TMOD3: variants seen among roughly 807,000 people sequenced by gnomAD.
TMOD3 encodes tropomodulin-3.
In TMOD3, 20 loss-of-function variants were observed where a neutral mutation model predicts 39.2. The ratio of observed to expected loss-of-function variants is 0.51; its 90% confidence interval spans 0.36 to 0.74. TMOD3 has a LOEUF of 0.74. TMOD3 is among the 30% of genes least tolerant of loss of function. The pLI is 0.00. For synonymous variants in TMOD3, 143 were observed against 145.8 expected (o/e 0.98, Z 0.14); for missense variants, 381 against 412.8 (o/e 0.92, Z 0.67).
chr15:51,866,935 A>G (rs1180455524), intron 2 of TMOD3, among the ~76,000 whole-genome samples: 1 of 152,204 alleles, frequency 6.6e-6, no homozygotes, highest in Admixed American at 6.5e-5. Flanking sequence ...AGAGCTTGTG[A>G]TGAGAGGTTA....
intron 3 of TMOD3, among the ~76,000 whole-genome samples, chr15:51,876,050 T>TA (rs1230533995): frequency 3.9e-5 from 6 of 152,344 alleles, no homozygotes; most frequent in Admixed American, 2.0e-4. Context: ...TCTGGTAATA[T>TA]TCTTTGCTAT....
chr15:51,896,292 T>G, intron 6 of TMOD3, 127 bp from the exon 7 acceptor site: 2 of 625,014 alleles, frequency 3.2e-6, no homozygotes, highest in Non-Finnish European at 5.5e-6. Context: ...ATTTGTAGAC[T>G]AATTCTTAGG....
intron 1 of TMOD3, among the ~76,000 whole-genome samples, chr15:51,832,429 C>T (rs1434425323): frequency 6.6e-6 from 1 of 151,630 alleles, no homozygotes; most frequent in Non-Finnish European, 1.5e-5. Flanking sequence ...CATCTCTTTC[C>T]CCAGGCTATA....
chr15:51,902,642 G>GTTTTTTTTTTTT (rs1286780618), intron 9 of TMOD3, among the ~76,000 whole-genome samples: 1 of 63,354 alleles, frequency 1.6e-5, no homozygotes, highest in Non-Finnish European at 2.9e-5. Flanking sequence ...GCTAATTTTT[G>GTTTTTTTTTTTT]TATTTTTTTT....
At chr15:51,889,884 G>A (rs1243415314) in intron 5 of TMOD3, among the ~76,000 whole-genome samples, 1 of 152,000 alleles carries the variant, frequency 6.6e-6, no homozygotes, top group Non-Finnish European at 1.5e-5. Context: ...TTCATGTATA[G>A]GGTGTTCTTA....
At chr15:51,878,079 G>A (rs2056514030) in intron 3 of TMOD3, among the ~76,000 whole-genome samples, 1 of 152,242 alleles carries the variant, frequency 6.6e-6, no homozygotes, top group African/African-American at 2.4e-5. Context: ...TGTGTCTGCA[G>A]CTCAGCATTC....
intron 3 of TMOD3, among the ~76,000 whole-genome samples, chr15:51,872,674 A>T (rs1948807667): frequency 6.9e-6 from 1 of 145,208 alleles, no homozygotes; most frequent in Non-Finnish European, 1.5e-5. Flanking sequence ...ATGCAGTGGC[A>T]CTGCAACCTG....
chr15:51,832,459 G>A (rs747120843), intron 1 of TMOD3, among the ~76,000 whole-genome samples: 2 of 151,808 alleles, frequency 1.3e-5, no homozygotes, highest in Non-Finnish European at 2.9e-5. Flanking sequence ...CTGTTTGAAT[G>A]TATGTGACAT....
chr15:51,877,290 A>G (rs372219336), intron 3 of TMOD3, among the ~76,000 whole-genome samples: 11 of 152,208 alleles, frequency 7.2e-5, no homozygotes, highest in African/African-American at 2.4e-4. Context: ...CCAGTGCTGG[A>G]TGTATTGATA....
intron 3 of TMOD3, chr15:51,884,478 C>G (rs565502674): frequency 1.3e-5 from 2 of 152,312 alleles, no homozygotes; most frequent in African/African-American, 2.4e-5. Flanking sequence ...GCTTGCTTTC[C>G]TAGCCACCCT....
At chr15:51,831,167 A>G (rs2056253061) in intron 1 of TMOD3, among the ~76,000 whole-genome samples, 1 of 152,226 alleles carries the variant, frequency 6.6e-6, no homozygotes, top group Admixed American at 6.5e-5. Flanking sequence ...GAAAGAGCAA[A>G]CATGAGTTCT....
chr15:51,859,455 A>G (rs17649391), intron 1 of TMOD3: 12,285 of 659,558 alleles, frequency 0.019, 552 homozygotes, highest in Admixed American at 0.11. Context: ...GAAAAAGTCA[A>G]CTGAAAATGG....
chr15:51,860,489 A>G (rs1310642537), intron 1 of TMOD3: 1 of 571,650 alleles, frequency 1.7e-6, no homozygotes, highest in Non-Finnish European at 3.5e-6. Flanking sequence ...GCAGTGCCCA[A>G]AGAAATAGTT....
intron 7 of TMOD3, among the ~76,000 whole-genome samples, chr15:51,897,378 C>T (rs1454329696): frequency 6.6e-6 from 1 of 151,800 alleles, no homozygotes; most frequent in Admixed American, 6.6e-5. Flanking sequence ...ACATGTAAGT[C>T]CTCAAACTCC....
At chr15:51,877,071 T>A (rs563082047) in intron 3 of TMOD3, among the ~76,000 whole-genome samples, 124 of 152,128 alleles carry the variant, frequency 8.2e-4, no homozygotes, top group Non-Finnish European at 1.5e-3. Context: ...TCAAAAAAAA[T>A]AAAGAAAAAG....
rs1356255202 is a variant in TMOD3, at chr15:51,829,687, AG to A, written c.-223del. 1.3e-5 allele frequency: 2 copies of A among 152,292 alleles called. No homozygotes were observed. Among genetic ancestry groups the A allele is most frequent in the Non-Finnish European group, 2.9e-5 (2 of 68,100 alleles). 9.4% of individuals were successfully genotyped at this position (152,292 alleles called of 1,614,324 possible). A position where few individuals can be genotyped will look rare whatever the true frequency, so the allele number is the denominator to read the frequency against. On this transcript the variant is annotated 5_prime_UTR_variant, in exon 1 of 10. The change creates a new upstream start codon in the 5' untranslated region. Coordinates refer to ENST00000308580, the MANE Select transcript of TMOD3 (RefSeq NM_014547.5). ...ACCCACCGCACCTACAGGGCGGTCG[AG>A]TGAGGGAGCTGCTGGCGGGTGGGTC...
At chr15:51,832,722 G>T (rs1424049492) in intron 1 of TMOD3, among the ~76,000 whole-genome samples, 2 of 152,130 alleles carry the variant, frequency 1.3e-5, no homozygotes, top group African/African-American at 4.8e-5. Context: ...CAGGGAGGAT[G>T]AGAGGCTTTG....
At chr15:51,884,562 T>C (rs559613152) in intron 3 of TMOD3, 1 of 152,278 alleles carries the variant, frequency 6.6e-6, no homozygotes, top group African/African-American at 2.4e-5. Flanking sequence ...TTGAGGCTGG[T>C]CCAAGTGCAG....
chr15:51,855,383 A>C (rs960196125), intron 1 of TMOD3, among the ~76,000 whole-genome samples: 1 of 152,248 alleles, frequency 6.6e-6, no homozygotes, highest in Non-Finnish European at 1.5e-5. Flanking sequence ...GCCCACCAGG[A>C]GATTATGATG....
Sources: gnomAD v4.1 joint callset for allele counts (sites outside exome capture counted in the v4.1 genomes callset) on GRCh38, gnomAD v4.1.1 for gene constraint, MANE v1.5 for transcripts, NCBI Gene and HGNC (gene_info 2026-07-23, HGNC 2026-07-21) for gene names.